FRMPD4: variants seen among roughly 807,000 people sequenced by gnomAD.
FRMPD4 encodes FERM and PDZ domain containing 4.
A neutral mutation model predicts 94.1 loss-of-function variants in FRMPD4; 22 were observed. The observed-to-expected ratio is 0.23, with a 90% confidence interval of 0.17 to 0.33. The LOEUF is 0.33. FRMPD4 is among the 10% of genes least tolerant of loss of function. The pLI, the probability that FRMPD4 is intolerant of heterozygous loss-of-function variation, is 1.00. For synonymous variants in FRMPD4, 631 were observed against 548.6 expected, an observed-to-expected ratio of 1.15 and a Z score of -2.10; for missense variants, 1,111 against 1,339.9, an observed-to-expected ratio of 0.83 and a Z score of 2.67.
intron 1 of FRMPD4, among the ~76,000 whole-genome samples, chrX:12,380,416 A>T (rs1436837944): frequency 8.9e-6 from 1 of 112,404 alleles, no homozygotes; most frequent in Non-Finnish European, 1.9e-5. Flanking sequence ...TTTGAAATTG[A>T]AGTGTTATTA....
chrX:12,184,135 A>C (rs2056395171), intron 1 of FRMPD4, among the ~76,000 whole-genome samples: 1 of 111,327 alleles, frequency 9.0e-6, no homozygotes, highest in Non-Finnish European at 1.9e-5. Flanking sequence ...AGTCTGCAAC[A>C]CTGATTTTTT....
intron 1 of FRMPD4, among the ~76,000 whole-genome samples, chrX:12,255,417 G>C (rs766813126): frequency 5.4e-5 from 6 of 111,656 alleles, no homozygotes; most frequent in African/African-American, 2.0e-4. Flanking sequence ...AAGGGTTGAA[G>C]GGCAGTTCCA....
At chrX:11,883,418 T>A (rs2053824854) in intron 3 of FRMPD4, among the ~76,000 whole-genome samples, 1 of 112,034 alleles carries the variant, frequency 8.9e-6, no homozygotes, top group African/African-American at 3.2e-5. Flanking sequence ...CTTCTTTTTT[T>A]ATGGCATTTT....
chrX:12,112,208 A>C (rs1225646487), intron 3 of FRMPD4, among the ~76,000 whole-genome samples: 2 of 112,245 alleles, frequency 1.8e-5, no homozygotes, highest in African/African-American at 3.2e-5. Flanking sequence ...AAAATGTGGC[A>C]CATATACACC....
chrX:11,968,545 C>T (rs1214700312), intron 3 of FRMPD4, among the ~76,000 whole-genome samples: 4 of 111,621 alleles, frequency 3.6e-5, no homozygotes, highest in South Asian at 3.9e-4. Context: ...CTCCCCCTAG[C>T]GACCATCTCC....
chrX:12,240,475 G>T (rs777699135), intron 1 of FRMPD4, among the ~76,000 whole-genome samples: 10 of 111,890 alleles, frequency 8.9e-5, no homozygotes, highest in Non-Finnish European at 1.3e-4. Flanking sequence ...TTTATAGGAG[G>T]AATTTATTGT....
At chrX:12,113,318 A>G (rs780378092) in intron 3 of FRMPD4, among the ~76,000 whole-genome samples, 22 of 112,280 alleles carry the variant, frequency 2.0e-4, no homozygotes, top group Non-Finnish European at 3.8e-4. Flanking sequence ...TGCTATAACA[A>G]ATTACCACAA....
At chrX:11,845,706 G>T (rs1329597001) in intron 1 of FRMPD4, among the ~76,000 whole-genome samples, 1 of 110,833 alleles carries the variant, frequency 9.0e-6, no homozygotes, top group African/African-American at 3.3e-5. Context: ...TCATCCCTGG[G>T]ATGCAAGGCT....
chrX:12,620,130 CT>C (rs1247386979), intron 4 of FRMPD4, among the ~76,000 whole-genome samples: 1 of 112,917 alleles, frequency 8.9e-6, no homozygotes, highest in Non-Finnish European at 1.9e-5. Context: ...ATTCCAGCCA[CT>C]CTCATCTGGT....
At chrX:11,952,225 G>A (rs969125133) in intron 3 of FRMPD4, among the ~76,000 whole-genome samples, 16 of 111,905 alleles carry the variant, frequency 1.4e-4, no homozygotes, top group African/African-American at 4.9e-4. Context: ...GATATGGGTG[G>A]ATTAGGGCCC....
intron 2 of FRMPD4, among the ~76,000 whole-genome samples, chrX:12,560,788 G>C (rs1430414137): frequency 2.6e-5 from 1 of 38,133 alleles, no homozygotes; most frequent in Non-Finnish European, 4.5e-5. Flanking sequence ...TTTTTTTTTT[G>C]AGACGGAGTC....
chrX:12,342,446 AAG>A (rs2055629901), intron 1 of FRMPD4, among the ~76,000 whole-genome samples: 1 of 111,732 alleles, frequency 8.9e-6, no homozygotes, highest in Non-Finnish European at 1.9e-5. Context: ...CTATCAGTGA[AAG>A]AGCAGGAAAT....
At chrX:12,018,137 A>G (rs1169163664) in intron 3 of FRMPD4, among the ~76,000 whole-genome samples, 8 of 101,235 alleles carry the variant, frequency 7.9e-5, no homozygotes, top group African/African-American at 1.6e-4. Context: ...CTACAGTGGG[A>G]AAAAAAAAAA....
chrX:12,315,841 G>A (rs990114773), intron 1 of FRMPD4, among the ~76,000 whole-genome samples: 2 of 111,617 alleles, frequency 1.8e-5, no homozygotes, highest in African/African-American at 6.5e-5. Flanking sequence ...GGGAATATTT[G>A]GCAATGTCTA....
chrX:12,415,051 A>G (rs2056781965), intron 1 of FRMPD4, among the ~76,000 whole-genome samples: 1 of 111,165 alleles, frequency 9.0e-6, no homozygotes, highest in South Asian at 3.9e-4. Context: ...CATTTTATCT[A>G]GGTGGTGAGC....
At chrX:12,489,408 A>G (rs190877153) in intron 1 of FRMPD4, among the ~76,000 whole-genome samples, 35 of 112,644 alleles carry the variant, frequency 3.1e-4, no homozygotes, top group African/African-American at 1.1e-3. Context: ...TTTCGTATAC[A>G]TGTTCAAGGG....
rs368733965 is a variant in FRMPD4, at chrX:12,139,551, T to TGGG, written c.41+547_41+549dup. 1.7e-4 allele frequency among the ~76,000 whole-genome samples: 14 copies of TGGG among 81,663 alleles called. 1 individual carries two copies. Among genetic ancestry groups the TGGG allele is most frequent in the Admixed American group, 3.6e-4 (2 of 5,493 alleles). The allele number at this position is 81,663 out of a possible 115,157, so 70.9% of individuals were successfully genotyped here. A position where few individuals can be genotyped will look rare whatever the true frequency, so the allele number is the denominator to read the frequency against. On this transcript the variant is annotated intron_variant, in intron 1 of 16. Transcript: ENST00000675598. Reference sequence around the variant, plus strand: ...GAAAGACTTTCAGCCTTTTTTTTTTTGGGGGGGGGGTAACTATATTCTTAA... The same window carrying TGGG: ...GAAAGACTTTCAGCCTTTTTTTTTTTGGGGGGGGGGGGGTAACTATATTCTTAA...
intron 4 of FRMPD4, among the ~76,000 whole-genome samples, chrX:12,629,664 C>T (rs2059378266): frequency 8.9e-6 from 1 of 112,319 alleles, no homozygotes; most frequent in African/African-American, 3.2e-5. Flanking sequence ...AGCGGCATCA[C>T]TATAGCTGAA....
intron 1 of FRMPD4, among the ~76,000 whole-genome samples, chrX:11,831,436 T>C (rs967236994): frequency 2.3e-4 from 26 of 111,337 alleles, no homozygotes; most frequent in Admixed American, 2.9e-4. Context: ...GTAAATATGA[T>C]GCTGAGTTGG....
Sources: gnomAD v4.1 joint callset for allele counts (sites outside exome capture counted in the v4.1 genomes callset) on GRCh38, gnomAD v4.1.1 for gene constraint, MANE v1.5 for transcripts, NCBI Gene and HGNC (gene_info 2026-07-23, HGNC 2026-07-21) for gene names.